CCDC83: variants seen among roughly 807,000 people sequenced by gnomAD.
CCDC83 encodes the protein coiled-coil domain-containing protein 83.
CCDC83 carries 54 observed loss-of-function variants against 50.1 expected under a neutral mutation model. The observed-to-expected ratio is 1.08, with a 90% confidence interval of 0.87 to 1.35. The LOEUF (loss-of-function observed/expected upper bound fraction) is 1.35, where lower values mean the gene tolerates loss of function less well. CCDC83 is among the 40% of genes most tolerant of loss of function. The pLI, the probability that CCDC83 is intolerant of heterozygous loss-of-function variation, is 0.00. For missense variants in CCDC83, 518 were observed against 473.9 expected (o/e 1.09, Z -0.86); for synonymous variants, 161 against 153.3 (o/e 1.05, Z -0.37).
At position 85,882,640 on chromosome 11, in the gene CCDC83, G is replaced by A; in HGVS notation, c.308G>A (p.Trp103Ter). Reference sequence around the variant, plus strand: ...GTTGAAGAAGCGATGAAGGAAAAATGGAAGTTTGAAAGAGACCAGGAAAAA... The same window carrying A: ...GTTGAAGAAGCGATGAAGGAAAAATAGAAGTTTGAAAGAGACCAGGAAAAA... ...EDVEEAMKEK[W>*]KFERDQEKNL... Residue 103 changes from tryptophan (W) to a stop codon, truncating the protein, a stop_gained, in exon 4 of 11, where the codon TGG becomes TAG. Coordinates refer to ENST00000342404, the MANE Select transcript of CCDC83 (RefSeq NM_001286159.2). LOFTEE classifies it high-confidence loss of function. 4 of 1,613,940 alleles carry A rather than the reference G, an allele frequency of 2.5e-6. No homozygotes were observed. Among genetic ancestry groups the A allele is most frequent in the Non-Finnish European group, 3.4e-6 (4 of 1,179,910 alleles).
chr11:85,882,703 T>C lies in CCDC83; in HGVS notation c.343+28T>C, dbSNP rs1293184431. 2.5e-6 allele frequency: 4 copies of C among 1,599,142 alleles called. No individual in the cohort carries two copies. The East Asian group carries it at 6.7e-5, about 27-fold the overall frequency. On this transcript the variant is annotated intron_variant, in intron 4 of 10. Coordinates refer to ENST00000342404, the MANE Select transcript of CCDC83 (RefSeq NM_001286159.2). ...GATTTAGGAACATAGAAAACTATCA[T>C]AGAGTTGTGCCAAGTTATTTCTTGA...
chr11:85,870,677 CTTA>C (rs143166313), intron 2 of CCDC83, among the ~76,000 whole-genome samples: 1,523 of 152,144 alleles, frequency 0.01, 14 homozygotes, highest in African/African-American at 0.033. Flanking sequence ...GCCTTATTTT[CTTA>C]TTATTTTGTG....
At chr11:85,912,071 A>G (rs1285728660) in intron 8 of CCDC83, among the ~76,000 whole-genome samples, 2 of 152,204 alleles carry the variant, frequency 1.3e-5, no homozygotes, top group African/African-American at 4.8e-5. Context: ...AAGTAGTCAA[A>G]ACCAAAAAAT....
chr11:85,915,671 C>G (rs1024490392), intron 9 of CCDC83, among the ~76,000 whole-genome samples, 173 bp downstream of exon 9: 3 of 152,186 alleles, frequency 2.0e-5, no homozygotes, highest in Non-Finnish European at 4.4e-5. Context: ...AATCTATCTC[C>G]TGTCTGTAGT....
chr11:85,873,272 A>G lies in CCDC83; in HGVS notation c.157A>G (p.Lys53Glu). ...FMFQIKTLRK[K>E]NQKYHERNSR... ...GTTTCAAATAAAGACACTTAGGAAA[A>G]AGAACCAAAAATATCATGAAAGAGT... Residue 53 changes from lysine to glutamate, a missense_variant, in exon 3 of 11, where the codon AAG becomes GAG. Physicochemically the swap from Lys to Glu is moderately conservative, Grantham distance 56. Transcript: ENST00000342404. 6.6e-7 allele frequency: 1 copy of G among 1,519,290 alleles called. No homozygotes were observed. The highest frequency in any genetic ancestry group is 1.2e-5 in the South Asian group (1 of 81,076). 94.1% of individuals were successfully genotyped at this position (1,519,290 alleles called of 1,614,324 possible). A position where few individuals can be genotyped will look rare whatever the true frequency, so the allele number is the denominator to read the frequency against.
At position 85,872,207 on chromosome 11, in the gene CCDC83, G is replaced by T. The variant is rs78105159; in HGVS notation, c.96-1004G>T. On this transcript the variant is annotated intron_variant, in intron 2 of 10. Transcript: ENST00000342404. ...TCCTCAAGAGATCCACCTGCTGGCC[G>T]GGCACGGTGGCTCACACCTGTAACC... Among the ~76,000 whole-genome samples, 188 of 152,150 alleles carry T rather than the reference G, an allele frequency of 1.2e-3. 4 individuals are homozygous for T. In the South Asian group the frequency reaches 0.022, roughly 18 times the overall value.
At chr11:85,893,912 T>C (rs1018498463) in intron 5 of CCDC83, among the ~76,000 whole-genome samples, 2 of 152,134 alleles carry the variant, frequency 1.3e-5, no homozygotes, top group Non-Finnish European at 2.9e-5. Context: ...CTGTTTGGCA[T>C]ACAGAAAGAG....
chr11:85,878,200 TCTCATAACATA>T (rs2093279079), intron 3 of CCDC83, among the ~76,000 whole-genome samples: 1 of 152,142 alleles, frequency 6.6e-6, no homozygotes, highest in Admixed American at 6.5e-5. Flanking sequence ...CTACCTAGCT[TCTCATAACATA>T]CTACAAAATC....
chr11:85,889,900 T>C (rs148242134), intron 5 of CCDC83, among the ~76,000 whole-genome samples: 60 of 152,306 alleles, frequency 3.9e-4, no homozygotes, highest in African/African-American at 1.4e-3. Context: ...TACCACCACA[T>C]AGATTTGCAA....
At chr11:85,907,857 A>T (rs1421914542) in intron 7 of CCDC83, among the ~76,000 whole-genome samples, 1 of 152,206 alleles carries the variant, frequency 6.6e-6, no homozygotes, top group Non-Finnish European at 1.5e-5. Flanking sequence ...AAAGAGACCA[A>T]GAACTGTGTG....
chr11:85,891,469 G>T (rs528159562), intron 5 of CCDC83, among the ~76,000 whole-genome samples: 31 of 152,266 alleles, frequency 2.0e-4, no homozygotes, highest in African/African-American at 7.5e-4. Flanking sequence ...AAAGGAAAAG[G>T]AACCTTAGAA....
chr11:85,910,298 T>C (rs75147886), intron 7 of CCDC83, among the ~76,000 whole-genome samples: 1 of 152,242 alleles, frequency 6.6e-6, no homozygotes. Flanking sequence ...TCCTTGAAGG[T>C]TACTACACCT....
At chr11:85,917,192 G>GAGAAAGAA (rs1554986921) in intron 10 of CCDC83, among the ~76,000 whole-genome samples, 1 of 79,798 alleles carries the variant, frequency 1.3e-5, no homozygotes, top group South Asian at 3.6e-4. Context: ...AAGAAAGAAA[G>GAGAAAGAA]AGAAAGAAAG....
At chr11:85,861,269 GCT>G in intron 1 of CCDC83, among the ~76,000 whole-genome samples, 1 of 152,318 alleles carries the variant, frequency 6.6e-6, no homozygotes, top group South Asian at 2.1e-4. Context: ...AAGTTAGATT[GCT>G]CTTTAATAAG....
chr11:85,895,427 T>G (rs745340446), intron 6 of CCDC83, 43 bp downstream of exon 6: 65 of 1,256,960 alleles, frequency 5.2e-5, no homozygotes, highest in Non-Finnish European at 7.4e-5. Flanking sequence ...ACAAACATTT[T>G]CCCCCTATTT....
chr11:85,866,661 C>CAA (rs1305676726), intron 2 of CCDC83, among the ~76,000 whole-genome samples: 1 of 114,180 alleles, frequency 8.8e-6, no homozygotes, highest in Admixed American at 8.7e-5. Context: ...CTCAAAAAAA[C>CAA]AAAACAAAAA....
chr11:85,863,564 G>C (rs1402189579), intron 1 of CCDC83, among the ~76,000 whole-genome samples: 1 of 152,182 alleles, frequency 6.6e-6, no homozygotes, highest in Non-Finnish European at 1.5e-5. Context: ...GTGCAAACTT[G>C]GTTAGAAAAG....
intron 6 of CCDC83, among the ~76,000 whole-genome samples, chr11:85,897,611 AG>A (rs953693977): frequency 2.6e-5 from 4 of 152,150 alleles, no homozygotes; most frequent in Non-Finnish European, 5.9e-5. Flanking sequence ...CAAAGCTTCT[AG>A]GAGATTCAAA....
At chr11:85,869,762 G>C (rs570459959) in intron 2 of CCDC83, among the ~76,000 whole-genome samples, 1 of 152,322 alleles carries the variant, frequency 6.6e-6, no homozygotes, top group South Asian at 2.1e-4. Flanking sequence ...AAGGAAAAAA[G>C]TGTATAAGGA....
Sources: gnomAD v4.1 joint callset for allele counts (sites outside exome capture counted in the v4.1 genomes callset) on GRCh38, gnomAD v4.1.1 for gene constraint, MANE v1.5 for transcripts, NCBI Gene and HGNC (gene_info 2026-07-23, HGNC 2026-07-21) for gene names.